Variants in IQSEC2 observed in about 807,000 individuals in gnomAD.
The protein encoded by IQSEC2 is IQ motif and SEC7 domain-containing protein 2.
A neutral mutation model predicts 74.6 loss-of-function variants in IQSEC2; 6 were observed. That is an observed-to-expected ratio of 0.08 (90% CI 0.04 to 0.16). The LOEUF is 0.16. IQSEC2 is among the 10% of genes least tolerant of loss of function. The pLI is 1.00. For synonymous variants in IQSEC2, 494 were observed against 544.5 expected (o/e 0.91, Z 1.29); for missense variants, 734 against 1,306.2 (o/e 0.56, Z 6.75).
chrX:53,237,606 G>C (rs181871091), intron 12 of IQSEC2: 1 of 133,412 alleles, frequency 7.5e-6, no homozygotes, highest in African/African-American at 3.1e-5. Flanking sequence ...CCTGGGGGCT[G>C]AGAGGATAGC....
At chrX:53,268,998 A>G (rs1315479880) in intron 2 of IQSEC2, among the ~76,000 whole-genome samples, 1 of 112,272 alleles carries the variant, frequency 8.9e-6, no homozygotes, top group Non-Finnish European at 1.9e-5. Flanking sequence ...AACTATTATT[A>G]TAACGGCCAT....
At chrX:53,283,129 T>C (rs1206641440) in intron 2 of IQSEC2, among the ~76,000 whole-genome samples, 1 of 112,306 alleles carries the variant, frequency 8.9e-6, no homozygotes, top group Non-Finnish European at 1.9e-5. Context: ...GGTGGGAGGA[T>C]CGCTTAAGCC....
At chrX:53,226,115 A>G (rs2074035854), downstream of IQSEC2, 1 of 112,678 alleles carries the variant, frequency 8.9e-6, no homozygotes, top group African/African-American at 3.2e-5. Flanking sequence ...CTTTTATTGT[A>G]TTTATTGTGT....
chrX:53,277,791 C>G (rs1395642424), intron 2 of IQSEC2, among the ~76,000 whole-genome samples: 1 of 109,204 alleles, frequency 9.2e-6, no homozygotes, highest in Non-Finnish European at 1.9e-5. Context: ...CTGCTTCAGC[C>G]TCCCTAGTAG....
rs1556870339 is a variant in IQSEC2 at position 53,279,662 on chromosome X, G to C, written c.737+12233C>G. ...GTAGAGTATGAGACGCTGTGGACCT[G>C]AGAGACAGCAAGAGACAGAGAGAGA... On this transcript the variant is annotated intron_variant, in intron 2 of 14. Transcript: ENST00000642864. The C allele has an allele frequency of 8.9e-7, 1 of 1,122,910 alleles. No individual in the cohort carries two copies. The highest frequency in any genetic ancestry group is 1.2e-6 in the Non-Finnish European group (1 of 817,948). 92.5% of individuals were successfully genotyped at this position (1,122,910 alleles called of 1,213,427 possible).
At position 53,255,971 on chromosome X, in the gene IQSEC2, G is replaced by A. The variant is rs1306915244; in HGVS notation, c.828C>T (p.Pro276=). ...QPPYRLSQLP[P]SSSHMGGPPA... The stretch of plus-strand genomic sequence containing the variant: ...GGGGGCCCCCCATGTGGCTGCTGGA[G>A]GGGGGCAGCTGGCTCAGCCGGTAGG... Residue 276 remains proline (P), a synonymous_variant, in exon 3 of 15, where the codon CCC becomes CCT. Coordinates refer to ENST00000642864, the MANE Select transcript of IQSEC2 (RefSeq NM_001111125.3). 5 of 1,191,817 alleles carry A rather than the reference G, an allele frequency of 4.2e-6. No individual in the cohort carries two copies. The highest frequency in any genetic ancestry group is 3.5e-5 in the African/African-American group (2 of 57,125).
chrX:53,307,300 T>C (rs1556876907), intron 1 of IQSEC2, among the ~76,000 whole-genome samples: 1,742 of 90,021 alleles, frequency 0.019, 5 homozygotes, highest in Middle Eastern at 0.07. Flanking sequence ...TCTTTCTTTT[T>C]TTTTTTTTTT....
At chrX:53,297,801 C>A (rs1156337049) in intron 1 of IQSEC2, among the ~76,000 whole-genome samples, 2 of 111,514 alleles carry the variant, frequency 1.8e-5, no homozygotes, top group Admixed American at 1.9e-4. Flanking sequence ...TCTAGGCTGG[C>A]TGCTCTCTAG....
chrX:53,225,985 T>C (rs1442698744), downstream of IQSEC2: 1 of 112,849 alleles, frequency 8.9e-6, no homozygotes, highest in Non-Finnish European at 1.9e-5. Context: ...AATAAGCCTG[T>C]GTGTATGTAT....
intron 1 of IQSEC2, among the ~76,000 whole-genome samples, chrX:53,300,669 T>A (rs1441994626): frequency 1.8e-5 from 2 of 111,507 alleles, no homozygotes; most frequent in African/African-American, 6.5e-5. Flanking sequence ...AGAGGGACCA[T>A]CTAGAAAGGG....
intron 2 of IQSEC2, among the ~76,000 whole-genome samples, chrX:53,275,981 G>A (rs1371656335): frequency 2.7e-5 from 3 of 110,323 alleles, no homozygotes; most frequent in African/African-American, 6.6e-5. Flanking sequence ...GATTACAGGC[G>A]TGAGCCACCA....
chrX:53,239,188 G>T lies in IQSEC2; in HGVS notation c.3115+7C>A. ...TCTCAGGAGCTGGGATCCAAGAAGGGACTCACATGAATTCTGGAAGAGCTG... is the reference window on the plus strand; with the variant it reads ...TCTCAGGAGCTGGGATCCAAGAAGGTACTCACATGAATTCTGGAAGAGCTG... On this transcript the variant is annotated splice_region_variant and intron_variant, in intron 11 of 14. Coordinates refer to ENST00000642864, the MANE Select transcript of IQSEC2 (RefSeq NM_001111125.3). 1 of 1,168,634 alleles carries T rather than the reference G, an allele frequency of 8.6e-7. No homozygotes were observed. The highest frequency in any genetic ancestry group is 1.2e-6 in the Non-Finnish European group (1 of 856,447).
At chrX:53,278,967 GGAGTTC>G (rs1275360061) in intron 2 of IQSEC2, among the ~76,000 whole-genome samples, 2 of 112,047 alleles carry the variant, frequency 1.8e-5, no homozygotes, top group African/African-American at 6.5e-5. Context: ...CACGAGGTCA[GGAGTTC>G]GAGACCAGCC....
At chrX:53,277,816 A>G (rs1452040334) in intron 2 of IQSEC2, among the ~76,000 whole-genome samples, 1 of 107,007 alleles carries the variant, frequency 9.3e-6, no homozygotes, top group Non-Finnish European at 1.9e-5. Context: ...GATTACAGGC[A>G]CACACCACCA....
intron 1 of IQSEC2, among the ~76,000 whole-genome samples, chrX:53,293,182 A>G (rs1419430877): frequency 8.9e-6 from 1 of 112,404 alleles, no homozygotes; most frequent in African/African-American, 3.2e-5. Context: ...GCAGGCAAGC[A>G]TCAGGGTGCT....
At chrX:53,312,630 C>T (rs1450218845) in intron 1 of IQSEC2, among the ~76,000 whole-genome samples, 6 of 111,987 alleles carry the variant, frequency 5.4e-5, no homozygotes, top group East Asian at 2.8e-4. Context: ...GTGTGCTCAG[C>T]GCTTCACCTA....
rs1372242898 is a variant in IQSEC2 at position 53,254,677 on chromosome X, C to T, written c.1254G>A (p.Met418Ile). Residue 418 changes from methionine (M) to isoleucine (I), a missense_variant, in exon 4 of 15, where the codon ATG (methionine) becomes ATA (isoleucine). By Grantham distance (10) the Met-to-Ile change is conservative (BLOSUM62 1). Around this residue, in one of 12 missense-constraint regions of IQSEC2, gnomAD observed 204 missense variants for 305.4 expected, o/e 0.67. Transcript: ENST00000642864. ...GKPASLDEGA[M>I]AGARSHRLER... Reference sequence around the variant, plus strand: ...CAAGCCGGTGGCTCCGGGCACCAGCCATGGCACCCTCGTCCAGCGAGGCAG... The same window carrying T: ...CAAGCCGGTGGCTCCGGGCACCAGCTATGGCACCCTCGTCCAGCGAGGCAG... 8.3e-7 allele frequency: 1 copy of T among 1,211,352 alleles called. No homozygotes were observed. Among genetic ancestry groups the T allele is most frequent in the African/African-American group, 1.7e-5 (1 of 57,933 alleles).
At chrX:53,239,827 C>G (rs1306645409) in intron 10 of IQSEC2, among the ~76,000 whole-genome samples, 3 of 112,068 alleles carry the variant, frequency 2.7e-5, no homozygotes, top group Non-Finnish European at 3.8e-5. Flanking sequence ...AGTACTTGGG[C>G]ACTCTGGACT....
At chrX:53,243,240 C>T (rs2074251860) in intron 9 of IQSEC2, 92 bp downstream of exon 9, 5 of 770,408 alleles carry the variant, frequency 6.5e-6, no homozygotes, top group Non-Finnish European at 7.7e-6. Context: ...AGGTAAAGGG[C>T]ACCTGGGGCT....
Sources: gnomAD v4.1 joint callset for allele counts (sites outside exome capture counted in the v4.1 genomes callset) on GRCh38, gnomAD v4.1.1 for gene constraint, gnomAD v4.1.1 regional missense constraint, MANE v1.5 for transcripts, NCBI Gene and HGNC (gene_info 2026-07-23, HGNC 2026-07-21) for gene names.